The following IZUMO1 variants were observed in gnomAD, a reference collection of about 807,000 sequenced individuals.
IZUMO1 encodes izumo sperm-egg fusion protein 1.
Under a neutral mutation model 40.7 loss-of-function variants are expected in IZUMO1, and 44 were observed. The ratio of observed to expected loss-of-function variants is 1.08; its 90% CI spans 0.85 to 1.39. IZUMO1 has a LOEUF of 1.39. Ranked by LOEUF, IZUMO1 falls within the 40% of genes most tolerant of loss-of-function variation. The pLI is 0.00. For synonymous variants in IZUMO1, 149 were observed against 170.9 expected (o/e 0.87, Z 1.00); for missense variants, 368 against 436.9 (o/e 0.84, Z 1.41).
At chr19:48,742,783 A>G (rs1326378496) in intron 6 of IZUMO1, among the ~76,000 whole-genome samples, 1 of 129,634 alleles carries the variant, frequency 7.7e-6, no homozygotes, top group Non-Finnish European at 1.5e-5. Flanking sequence ...GCTGGAGTGC[A>G]GTGGCGCGAT....
intron 5 of IZUMO1, 57 bp downstream of exon 5, chr19:48,744,118 G>C: frequency 2.6e-6 from 4 of 1,513,024 alleles, no homozygotes; most frequent in Non-Finnish European, 3.7e-6. Context: ...AAGGCGAGTG[G>C]GGAGGTTGAC....
In IZUMO1 at chr19:48,741,608, C is replaced by A; in HGVS notation, c.755-130G>T. 1 of 1,266,130 alleles carries A rather than the reference C, an allele frequency of 7.9e-7. No individual in the cohort carries two copies. Among genetic ancestry groups the A allele is most frequent in the Admixed American group, 2.4e-5 (1 of 42,112 alleles). 78.4% of individuals were successfully genotyped at this position (1,266,130 alleles called of 1,614,324 possible). ...TTCAACAGTGTCAAGCCTGAACACA[C>A]CCAAGGGAACCCCTGTCCTCGGGGC... is the stretch of plus-strand genomic sequence containing the variant. On this transcript the variant is annotated intron_variant, in intron 8 of 9. Coordinates refer to ENST00000332955, the MANE Select transcript of IZUMO1 (RefSeq NM_182575.3). This position sits in a 1 kb window ranked among gnomAD's most constrained non-coding sequence, Gnocchi z 4.4.
rs531994546 is a variant in IZUMO1, at chr19:48,746,675, C to A, written c.-314G>T. The stretch of plus-strand genomic sequence containing the variant: ...TAACACTAGGGTTCATTGAGGAGCC[C>A]GGTCCAGGTTCTGAGGGCTTTTAAA... On this transcript the variant is annotated 5_prime_UTR_variant, in exon 1 of 10. Transcript: ENST00000332955. The A allele has an allele frequency of 1.0e-6, 1 of 985,344 alleles. No individual in the cohort carries two copies. The highest frequency in any genetic ancestry group is 1.2e-6 in the Non-Finnish European group (1 of 829,952). 61.0% of individuals were successfully genotyped at this position (985,344 alleles called of 1,614,324 possible).
At chr19:48,743,859 C>T (rs1408635261) in intron 5 of IZUMO1, 5 of 469,712 alleles carry the variant, frequency 1.1e-5, no homozygotes, top group Admixed American at 3.6e-5. Flanking sequence ...GGTGTGATGG[C>T]GGGCACCTGT....
Position 48,741,156 on chromosome 19 carries a change from C to A in IZUMO1, c.933-128G>T. On this transcript the variant is annotated intron_variant, in intron 9 of 9. Coordinates refer to ENST00000332955, the MANE Select transcript of IZUMO1 (RefSeq NM_182575.3). The surrounding 1 kb of genome is among the most constrained non-coding windows in gnomAD (Gnocchi z 4.4). ...TACCTAAGCCTCGCCCTTCGAAGTC[C>A]TCCTATTCAAGCCCCCCGCACTCCA... 6.7e-7 allele frequency: 1 copy of A among 1,481,948 alleles called. No individual in the cohort carries two copies. Among genetic ancestry groups the A allele is most frequent in the African/African-American group, 1.4e-5 (1 of 72,302 alleles). The allele number at this position is 1,481,948 out of a possible 1,614,324, so 91.8% of individuals were successfully genotyped here. A position where few individuals can be genotyped will look rare whatever the true frequency, so the allele number is the denominator to read the frequency against.
intron 3 of IZUMO1, 110 bp downstream of exon 3, chr19:48,745,104 G>T: frequency 1.1e-6 from 1 of 874,010 alleles, no homozygotes; most frequent in Non-Finnish European, 1.9e-6. Flanking sequence ...AGCAGGCATT[G>T]GAATCTAGGC....
rs1166354695 is a variant in IZUMO1 at position 48,745,186 on chromosome 19, G to T, written c.310+28C>A. 5 of 1,587,810 alleles carry T rather than the reference G, an allele frequency of 3.1e-6. No homozygotes were observed. In the Admixed American group the frequency reaches 6.7e-5, roughly 21 times the overall value. ...TAACGCTGGCTTCTCTGAGAGATTC[G>T]GGACTCCCACCCCCTTGATGCATTT... On this transcript the variant is annotated intron_variant, in intron 3 of 9. Coordinates refer to ENST00000332955, the MANE Select transcript of IZUMO1 (RefSeq NM_182575.3).
At position 48,746,595 on chromosome 19, in the gene IZUMO1, C is replaced by T. The variant is rs548841397; in HGVS notation, c.-234G>A. On this transcript the variant is annotated 5_prime_UTR_variant, in exon 1 of 10. Coordinates refer to ENST00000332955, the MANE Select transcript of IZUMO1 (RefSeq NM_182575.3). Reference sequence around the variant, plus strand: ...AAAAGGAGCCCCGATGCATCCTGAACAGTGATGCACCCTAAACAGCCGCTC... The same window carrying T: ...AAAAGGAGCCCCGATGCATCCTGAATAGTGATGCACCCTAAACAGCCGCTC... 4 of 985,406 alleles carry T rather than the reference C, an allele frequency of 4.1e-6. No homozygotes were observed. The highest frequency in any genetic ancestry group is 4.8e-6 in the Non-Finnish European group (4 of 829,970). 61.0% of individuals were successfully genotyped at this position (985,406 alleles called of 1,614,324 possible). A position where few individuals can be genotyped will look rare whatever the true frequency, so the allele number is the denominator to read the frequency against.
chr19:48,744,102 T>C (rs1240438807), intron 5 of IZUMO1, 73 bp downstream of exon 5: 2 of 1,361,856 alleles, frequency 1.5e-6, no homozygotes, highest in East Asian at 4.6e-5. Flanking sequence ...ACCACCAGGA[T>C]CCAAAAAGGC....
intron 4 of IZUMO1, 64 bp downstream of exon 4, chr19:48,744,389 G>C (rs541024144): frequency 5.9e-6 from 8 of 1,351,428 alleles, no homozygotes; most frequent in Non-Finnish European, 8.5e-6. Flanking sequence ...TAAGGGGCTG[G>C]AGACAAGGAC....
At position 48,745,683 on chromosome 19, in the gene IZUMO1, A is replaced by G. The variant is rs1317773426; in HGVS notation, c.177T>C (p.Asn59=). Residue 59 remains asparagine (N), a synonymous_variant, in exon 2 of 10, where the codon AAT becomes AAC. Transcript: ENST00000332955. ...ACAGTTCCTGGAAATCCTTCACGGC[A>G]TTCTCTACCCTTTCCATCATGGCTT... is the stretch of plus-strand genomic sequence containing the variant. ...HHKAMMERVE[N]AVKDFQELSL... is the part of the protein sequence containing the mutation. The G allele has an allele frequency of 6.2e-7, 1 of 1,614,160 alleles. No individual in the cohort carries two copies. The highest frequency in any genetic ancestry group is 1.1e-5 in the South Asian group (1 of 91,082).
Position 48,741,731 on chromosome 19 carries a change from G to A in IZUMO1, c.754+58C>T. 6 of 1,501,114 alleles carry A rather than the reference G, an allele frequency of 4.0e-6. No homozygotes were observed. The highest frequency in any genetic ancestry group is 2.3e-5 in the East Asian group (1 of 43,160). The allele number at this position is 1,501,114 out of a possible 1,614,324, so 93.0% of individuals were successfully genotyped here. A position where few individuals can be genotyped will look rare whatever the true frequency, so the allele number is the denominator to read the frequency against. Reference sequence around the variant, plus strand: ...ATCGCCAAGGCCACGCCCCCGCCGCGGACCCCAGCTTTCCTGGGCCCTGAA... The same window carrying A: ...ATCGCCAAGGCCACGCCCCCGCCGCAGACCCCAGCTTTCCTGGGCCCTGAA... On this transcript the variant is annotated intron_variant, in intron 8 of 9. Transcript: ENST00000332955. This position sits in a 1 kb window ranked among gnomAD's most constrained non-coding sequence, Gnocchi z 4.4.
rs561398379 is a variant in IZUMO1, at chr19:48,742,666, C to T, written c.500-357G>A. ...CCGGGCCTCCTTCACGGTTCTTTAC[C>T]CTCCCCTAATCCTTTACATTTGTTG... On this transcript the variant is annotated intron_variant, in intron 6 of 9. Coordinates refer to ENST00000332955, the MANE Select transcript of IZUMO1 (RefSeq NM_182575.3). Among the ~76,000 whole-genome samples, 4 of 151,202 alleles carry T rather than the reference C, an allele frequency of 2.6e-5. 1 individual carries two copies. Among genetic ancestry groups the T allele is most frequent in the Middle Eastern group, 7.1e-3 (2 of 280 alleles).
Position 48,745,912 on chromosome 19 carries a change from CA to C in IZUMO1, c.-54del. 1 of 1,606,194 alleles carries C rather than the reference CA, an allele frequency of 6.2e-7. No homozygotes were observed. ...ACCGTTAGGAAGGGTGCTCTCACCC[CA>C]AACCGAGAGCAGGAGAACGCTAAAC... On this transcript the variant is annotated 5_prime_UTR_variant, in exon 2 of 10. It removes the in-frame stop codon of an upstream open reading frame in the 5' UTR. Transcript: ENST00000332955.
Position 48,746,806 on chromosome 19 carries a change from C to G in IZUMO1, c.-445G>C. 1 of 985,356 alleles carries G rather than the reference C, an allele frequency of 1.0e-6. No individual in the cohort carries two copies. The highest frequency in any genetic ancestry group is 1.2e-6 in the Non-Finnish European group (1 of 829,922). 61.0% of individuals were successfully genotyped at this position (985,356 alleles called of 1,614,324 possible). On this transcript the variant is annotated 5_prime_UTR_variant, in exon 1 of 10. Coordinates refer to ENST00000332955, the MANE Select transcript of IZUMO1 (RefSeq NM_182575.3). Reference sequence around the variant, plus strand: ...TGGTTGCGTGAAATCGAGAGCTTTTCGACGGGGTCTGAGTCACGGACGATC... The same window carrying G: ...TGGTTGCGTGAAATCGAGAGCTTTTGGACGGGGTCTGAGTCACGGACGATC...
chr19:48,746,252 C>T, intron 1 of IZUMO1, 183 bp downstream of exon 1: 12 of 1,063,630 alleles, frequency 1.1e-5, no homozygotes, highest in Non-Finnish European at 1.4e-5. Flanking sequence ...TTTTCCAAGT[C>T]CCCAGATTGA....
At chr19:48,745,474 G>A (rs1484109000) in intron 2 of IZUMO1, 151 bp downstream of exon 2, 4 of 1,071,014 alleles carry the variant, frequency 3.7e-6, no homozygotes, top group South Asian at 3.0e-5. Context: ...AGGGAAAACG[G>A]TATTTACTAG....
Position 48,745,762 on chromosome 19 carries a change from A to G in IZUMO1, c.98T>C (p.Leu33Pro), listed in dbSNP as rs985013931. The G allele has an allele frequency of 6.2e-7, 1 of 1,614,168 alleles. No individual in the cohort carries two copies. The highest frequency in any genetic ancestry group is 8.5e-7 in the Non-Finnish European group (1 of 1,180,040). Residue 33 changes from leucine to proline, a missense_variant, in exon 2 of 10, where the codon CTA becomes CCA. Leu to Pro is a moderately conservative substitution (Grantham distance 98). Transcript: ENST00000332955. ...VICDPSVVLA[L>P]KSLEKDYLPG... The stretch of plus-strand genomic sequence containing the variant: ...CAGGTAATCTTTCTCCAGGGACTTT[A>G]GCGCCAGCACGACAGACGGGTCACA...
chr19:48,742,725 C>CTTTTTTTT, intron 6 of IZUMO1, among the ~76,000 whole-genome samples: 1 of 93,486 alleles, frequency 1.1e-5, no homozygotes, highest in East Asian at 3.7e-4. Flanking sequence ...TTCTCTCTCT[C>CTTTTTTTT]TTTTTTTTTT....
Sources: gnomAD v4.1 joint callset for allele counts (sites outside exome capture counted in the v4.1 genomes callset) on GRCh38, gnomAD v4.1.1 for gene constraint, Gnocchi (gnomAD v3.1) non-coding constraint, MANE v1.5 for transcripts, NCBI Gene and HGNC (gene_info 2026-07-23, HGNC 2026-07-21) for gene names.